Variants in LGSN observed in about 807,000 individuals in gnomAD.
LGSN encodes the protein lengsin.
LGSN carries 21 observed loss-of-function variants against 19.5 expected under a neutral mutation model. The ratio of observed to expected loss-of-function variants is 1.07; its 90% CI spans 0.76 to 1.55. LGSN has a LOEUF of 1.55. LGSN is among the 40% of genes most tolerant of loss of function. LGSN has a pLI of 0.00. For missense variants in LGSN, 673 were observed against 608.5 expected (o/e 1.11, Z -1.12); for synonymous variants, 257 against 215.6 (o/e 1.19, Z -1.68).
the LGSN span, among the ~76,000 whole-genome samples, chr6:63,520,753 T>C: frequency 6.6e-6 from 1 of 152,302 alleles, no homozygotes; most frequent in South Asian, 2.1e-4. Flanking sequence ...TATTATTTCC[T>C]TGTCAATATG....
At chr6:63,550,441 G>A in the LGSN span, 1 of 152,094 alleles carries the variant, frequency 6.6e-6, no homozygotes, top group Non-Finnish European at 1.5e-5. Flanking sequence ...TACAAAAATT[G>A]AAGCGTTCTT....
chr6:63,343,130 A>ATAGT, the LGSN span, among the ~76,000 whole-genome samples: 1 of 152,218 alleles, frequency 6.6e-6, no homozygotes, highest in East Asian at 1.9e-4. Flanking sequence ...TATAAATATA[A>ATAGT]TAGTTTGAAT....
At chr6:63,558,487 C>T in the LGSN span, among the ~76,000 whole-genome samples, 1 of 152,104 alleles carries the variant, frequency 6.6e-6, no homozygotes, top group Non-Finnish European at 1.5e-5. Context: ...GCTTGAGCAC[C>T]TGAAGGACAA....
the LGSN span, among the ~76,000 whole-genome samples, chr6:63,554,173 A>G: frequency 5.9e-5 from 9 of 152,228 alleles, no homozygotes; most frequent in Non-Finnish European, 1.3e-4. Context: ...AATCCTCACC[A>G]GAAGTGTATT....
At chr6:63,414,964 T>C in the LGSN span, among the ~76,000 whole-genome samples, 2 of 152,002 alleles carry the variant, frequency 1.3e-5, no homozygotes, top group African/African-American at 4.8e-5. Context: ...AAATGGAGAC[T>C]TTTTAAAATA....
At chr6:63,530,075 A>G in the LGSN span, among the ~76,000 whole-genome samples, 1 of 152,326 alleles carries the variant, frequency 6.6e-6, no homozygotes, top group South Asian at 2.1e-4. Context: ...GGCAAGGATA[A>G]TAACAGTATA....
At chr6:63,511,232 A>G in the LGSN span, among the ~76,000 whole-genome samples, 4 of 151,716 alleles carry the variant, frequency 2.6e-5, no homozygotes, top group African/African-American at 9.7e-5. Context: ...AAGCTTATAC[A>G]AGTAAATAGA....
chr6:63,505,625 G>GAAATAAATAAATAAAT, the LGSN span, among the ~76,000 whole-genome samples: 28 of 90,156 alleles, frequency 3.1e-4, no homozygotes, highest in African/African-American at 9.9e-4. Context: ...AAGAAAGAAA[G>GAAATAAATAAATAAAT]AAAGAAAGAA....
At chr6:63,301,512 A>G (rs1300156586) in intron 1 of LGSN, among the ~76,000 whole-genome samples, 2 of 152,278 alleles carry the variant, frequency 1.3e-5, no homozygotes, top group African/African-American at 4.8e-5. Context: ...GCAAGAGGCT[A>G]TAAAAAGGAT....
intron 1 of LGSN, among the ~76,000 whole-genome samples, chr6:63,300,458 G>A (rs115449818): frequency 0.045 from 6,807 of 152,210 alleles, 251 homozygotes; most frequent in Non-Finnish European, 0.068. Flanking sequence ...CTTGACCCCA[G>A]GAATTTGAGA....
chr6:63,459,452 A>G, the LGSN span, among the ~76,000 whole-genome samples: 1 of 152,064 alleles, frequency 6.6e-6, no homozygotes, highest in Non-Finnish European at 1.5e-5. Context: ...ATAGGATCTC[A>G]CTATGTTGAC....
chr6:63,279,854 A>G lies in LGSN; in HGVS notation c.*167T>C. 1.7e-6 allele frequency: 1 copy of G among 605,108 alleles called. No individual in the cohort carries two copies. The highest frequency in any genetic ancestry group is 2.9e-6 in the Non-Finnish European group (1 of 347,020). The allele number at this position is 605,108 out of a possible 1,614,324, so 37.5% of individuals were successfully genotyped here. Reference sequence around the variant, plus strand: ...TTTCTGTTATCAGAATCTTCTCAGCAGTCCTACTTCATCTGTCAAATATTC... The same window carrying G: ...TTTCTGTTATCAGAATCTTCTCAGCGGTCCTACTTCATCTGTCAAATATTC... On this transcript the variant is annotated 3_prime_UTR_variant, in exon 4 of 4. Coordinates refer to ENST00000370657, the MANE Select transcript of LGSN (RefSeq NM_016571.3).
At chr6:63,494,211 A>C in the LGSN span, among the ~76,000 whole-genome samples, 1 of 152,074 alleles carries the variant, frequency 6.6e-6, no homozygotes, top group African/African-American at 2.4e-5. Context: ...CAGCCTCCTA[A>C]AGTGCTGAGA....
At chr6:63,414,444 G>T in the LGSN span, among the ~76,000 whole-genome samples, 1 of 152,054 alleles carries the variant, frequency 6.6e-6, no homozygotes, top group Non-Finnish European at 1.5e-5. Context: ...TAAGAGAGTA[G>T]ATATGTATTC....
At chr6:63,504,971 C>T in the LGSN span, among the ~76,000 whole-genome samples, 1 of 152,266 alleles carries the variant, frequency 6.6e-6, no homozygotes, top group South Asian at 2.1e-4. Flanking sequence ...TCTTTTGAGT[C>T]ATAGTGAAAG....
the LGSN span, among the ~76,000 whole-genome samples, chr6:63,412,464 A>AGGAAGGAAAG: frequency 1.6e-5 from 2 of 128,640 alleles, no homozygotes; most frequent in Non-Finnish European, 3.1e-5. Context: ...GAAAGAAAGA[A>AGGAAGGAAAG]AAAGAGAGAG....
chr6:63,523,876 T>C, the LGSN span, among the ~76,000 whole-genome samples: 2 of 152,190 alleles, frequency 1.3e-5, no homozygotes, highest in Non-Finnish European at 2.9e-5. Context: ...TTTAACAGAT[T>C]GCCTACTCCT....
the LGSN span, among the ~76,000 whole-genome samples, chr6:63,442,837 C>T: frequency 6.6e-6 from 1 of 152,240 alleles, no homozygotes; most frequent in Admixed American, 6.5e-5. Flanking sequence ...ATATACAATC[C>T]TCCAGCTAGA....
At chr6:63,292,565 A>C (rs898955563) in intron 2 of LGSN, among the ~76,000 whole-genome samples, 2 of 152,198 alleles carry the variant, frequency 1.3e-5, no homozygotes, top group East Asian at 1.9e-4. Context: ...AAGCGGCTGG[A>C]GAGTGAAGTC....
Sources: allele counts gnomAD v4.1 joint callset (sites outside exome capture counted in the v4.1 genomes callset), GRCh38; gene constraint gnomAD v4.1.1; transcripts MANE v1.5; gene names NCBI Gene and HGNC (gene_info 2026-07-23, HGNC 2026-07-21).